The following KLHDC1 variants were observed in gnomAD, a reference collection of about 807,000 sequenced individuals.
The protein encoded by KLHDC1 is kelch domain containing 1, also known as kelch domain-containing protein 1.
A neutral mutation model predicts 68.3 loss-of-function variants in KLHDC1; 53 were observed. That is an observed-to-expected ratio of 0.78 (90% CI 0.62 to 0.98). The LOEUF (loss-of-function observed/expected upper bound fraction) is 0.98. KLHDC1 is among the 50% of genes least tolerant of loss of function. The pLI, the probability that KLHDC1 is intolerant of heterozygous loss-of-function variation, is 0.00. For synonymous variants in KLHDC1, 148 were observed against 159.0 expected, an observed-to-expected ratio of 0.93 and a Z score of 0.52; for missense variants, 470 against 492.3, an observed-to-expected ratio of 0.95 and a Z score of 0.43.
chr14:49,709,255 T>C (rs776757945), intron 2 of KLHDC1, 26 bp downstream of exon 2: 2 of 978,616 alleles, frequency 2.0e-6, no homozygotes, highest in Admixed American at 2.3e-5. Flanking sequence ...TTGCATACTG[T>C]CTGATCTTAA....
rs562094143 is a variant in KLHDC1, at chr14:49,700,069, C to T, written c.96+6779C>T. 1.4e-3 allele frequency: 467 copies of T among 340,072 alleles called. 3 individuals carry two copies. Among genetic ancestry groups the T allele is most frequent in the African/African-American group, 0.01 (441 of 43,160 alleles). 21.1% of individuals were successfully genotyped at this position (340,072 alleles called of 1,614,324 possible). A position where few individuals can be genotyped will look rare whatever the true frequency, so the allele number is the denominator to read the frequency against. ...TTTTAGATGGAGTCTCGCTCTTGCC[C>T]AGGCTGGAGTGCAGTGGCGCGATCT... On this transcript the variant is annotated intron_variant, in intron 1 of 12. Transcript: ENST00000359332.
At chr14:49,714,788 G>A (rs772648256) in intron 4 of KLHDC1, among the ~76,000 whole-genome samples, 2 of 149,558 alleles carry the variant, frequency 1.3e-5, no homozygotes, top group Non-Finnish European at 3.0e-5. Context: ...TACTATAAAT[G>A]TATGGTATAT....
intron 4 of KLHDC1, among the ~76,000 whole-genome samples, chr14:49,716,588 TG>T (rs1888383929): frequency 6.6e-6 from 1 of 152,086 alleles, no homozygotes; most frequent in Non-Finnish European, 1.5e-5. Context: ...TTCACCATGT[TG>T]GCCAGGCTTG....
At chr14:49,694,416 G>A (rs535250015) in intron 1 of KLHDC1, among the ~76,000 whole-genome samples, 23 of 152,136 alleles carry the variant, frequency 1.5e-4, no homozygotes, top group African/African-American at 5.3e-4. Context: ...CAACATACAG[G>A]CATACCTCGA....
At chr14:49,708,071 T>C (rs1213885230) in intron 1 of KLHDC1, among the ~76,000 whole-genome samples, 2 of 2,620 alleles carry the variant, frequency 7.6e-4, no homozygotes, top group Non-Finnish European at 0.029. Context: ...AAACTCTAGC[T>C]TTTTTTTTTT....
At chr14:49,696,368 C>T (rs1490385917) in intron 1 of KLHDC1, among the ~76,000 whole-genome samples, 1 of 151,924 alleles carries the variant, frequency 6.6e-6, no homozygotes, top group Non-Finnish European at 1.5e-5. Flanking sequence ...AATTTAGTAA[C>T]TTTTGTATTT....
chr14:49,734,408 C>T (rs1400262416), intron 9 of KLHDC1, among the ~76,000 whole-genome samples, 181 bp from the exon 10 acceptor site: 1 of 151,870 alleles, frequency 6.6e-6, no homozygotes, highest in African/African-American at 2.4e-5. Flanking sequence ...GTTGAATCTG[C>T]GATATATGGA....
At chr14:49,737,143 A>G (rs1270320328) in intron 10 of KLHDC1, among the ~76,000 whole-genome samples, 2 of 152,256 alleles carry the variant, frequency 1.3e-5, no homozygotes, top group East Asian at 1.9e-4. Context: ...CTTCCCATGT[A>G]TGAGGGCATT....
chr14:49,749,449 C>A (rs1889274987), intron 12 of KLHDC1, among the ~76,000 whole-genome samples: 1 of 151,868 alleles, frequency 6.6e-6, no homozygotes, highest in South Asian at 2.1e-4. Context: ...AGGTGGATCA[C>A]CCAAGGGGCA....
At chr14:49,733,149 C>A (rs1233950185) in intron 9 of KLHDC1, among the ~76,000 whole-genome samples, 2 of 152,176 alleles carry the variant, frequency 1.3e-5, no homozygotes, top group East Asian at 3.8e-4. Context: ...TTCGCTTTTG[C>A]TGTACTCCAG....
At chr14:49,750,577 A>G (rs1889299748) in intron 12 of KLHDC1, among the ~76,000 whole-genome samples, 1 of 152,224 alleles carries the variant, frequency 6.6e-6, no homozygotes, top group Non-Finnish European at 1.5e-5. Flanking sequence ...CTAGAGTATA[A>G]GTGCTTGTAA....
chr14:49,741,161 A>T (rs1374984828), intron 11 of KLHDC1, among the ~76,000 whole-genome samples: 3 of 152,170 alleles, frequency 2.0e-5, no homozygotes, highest in African/African-American at 7.2e-5. Context: ...GATGCTAAGT[A>T]TAATAAATAC....
chr14:49,731,664 G>A (rs1050908307), intron 8 of KLHDC1, among the ~76,000 whole-genome samples: 4 of 151,606 alleles, frequency 2.6e-5, no homozygotes, highest in East Asian at 1.9e-4. Context: ...TTCATGCCCC[G>A]TCTCTTTTAA....
intron 9 of KLHDC1, among the ~76,000 whole-genome samples, chr14:49,733,430 C>CTTT (rs763516095): frequency 4.3e-5 from 6 of 138,712 alleles, no homozygotes; most frequent in South Asian, 4.6e-4. Context: ...ATTTTCTTTT[C>CTTT]TTTTTTTTTT....
At chr14:49,738,870 C>T (rs942361572) in intron 10 of KLHDC1, among the ~76,000 whole-genome samples, 29 of 152,196 alleles carry the variant, frequency 1.9e-4, no homozygotes, top group Admixed American at 5.2e-4. Context: ...AAGCTTCCAA[C>T]GTGATGTCAC....
chr14:49,694,581 C>T (rs916485080), intron 1 of KLHDC1, among the ~76,000 whole-genome samples: 4 of 152,116 alleles, frequency 2.6e-5, no homozygotes, highest in South Asian at 2.1e-4. Context: ...TGGCTGGGCG[C>T]GGTGGCTCAC....
intron 11 of KLHDC1, 115 bp downstream of exon 11, chr14:49,740,297 T>C: frequency 1.6e-6 from 1 of 615,366 alleles, no homozygotes; most frequent in Non-Finnish European, 2.9e-6. Context: ...GGGCCTGAAA[T>C]GTTACTCTGT....
At chr14:49,696,252 A>G (rs1285640529) in intron 1 of KLHDC1, among the ~76,000 whole-genome samples, 1 of 149,802 alleles carries the variant, frequency 6.7e-6, no homozygotes, top group African/African-American at 2.5e-5. Flanking sequence ...GCTCACTGCA[A>G]CCTCCGCCTT....
Position 49,710,342 on chromosome 14 carries a change from C to A in KLHDC1, c.365C>A (p.Thr122Lys), listed in dbSNP as rs778712771. The A allele has an allele frequency of 1.2e-6, 2 of 1,610,302 alleles. No homozygotes were observed. The highest frequency in any genetic ancestry group is 1.7e-6 in the Non-Finnish European group (2 of 1,176,866). Reference sequence around the variant, plus strand: ...ACCGACTTTGAAGGGCAACCACCTACACCACGTGATAAACTTTCCTGCTGG... The same window carrying A: ...ACCGACTTTGAAGGGCAACCACCTAAACCACGTGATAAACTTTCCTGCTGG... ...KITDFEGQPP[T>K]PRDKLSCWVY... is the part of the protein sequence containing the mutation. The change falls in exon 4 of 13, where the codon ACA becomes AAA. Residue 122 changes from threonine (T) to lysine (K), a missense_variant. Coordinates refer to ENST00000359332, the MANE Select transcript of KLHDC1 (RefSeq NM_172193.3).
Sources: gnomAD v4.1 joint callset for allele counts (sites outside exome capture counted in the v4.1 genomes callset) on GRCh38, gnomAD v4.1.1 for gene constraint, MANE v1.5 for transcripts, NCBI Gene and HGNC (gene_info 2026-07-23, HGNC 2026-07-21) for gene names.